WWP2: variants seen among roughly 807,000 people sequenced by gnomAD.
The protein encoded by WWP2 is WW domain containing E3 ubiquitin protein ligase 2, also known as NEDD4-like E3 ubiquitin-protein ligase WWP2.
WWP2 carries 57 observed loss-of-function variants against 121.0 expected under a neutral mutation model. That is an observed-to-expected ratio of 0.47 (90% CI 0.38 to 0.59). WWP2 has a LOEUF of 0.59. Ranked by LOEUF, WWP2 falls within the 20% of genes least tolerant of loss-of-function variation. The pLI is 0.00. For synonymous variants in WWP2, 449 were observed against 441.3 expected (o/e 1.02, Z -0.22); for missense variants, 962 against 1,158.9 (o/e 0.83, Z 2.47).
intron 4 of WWP2, among the ~76,000 whole-genome samples, chr16:69,802,443 C>T (rs868289424): frequency 5.9e-5 from 9 of 152,234 alleles, no homozygotes; most frequent in Admixed American, 3.3e-4. Flanking sequence ...TGGCAGCTAC[C>T]GCTCTACTTT....
intron 1 of WWP2, among the ~76,000 whole-genome samples, chr16:69,768,542 G>A (rs932174081): frequency 7.2e-5 from 11 of 152,114 alleles, no homozygotes; most frequent in South Asian, 4.1e-4. Context: ...CCCAGGAGGC[G>A]GAGGTTGCAG....
chr16:69,871,772 A>AT, intron 6 of WWP2, 32 bp from the exon 7 acceptor site: 1 of 1,613,204 alleles, frequency 6.2e-7, no homozygotes, highest in Non-Finnish European at 8.5e-7. Flanking sequence ...ACAGTGACTT[A>AT]TGTCTGTCTG....
intron 7 of WWP2, among the ~76,000 whole-genome samples, chr16:69,885,129 ACACACACACACATTC>A (rs1363116487): frequency 6.6e-6 from 1 of 150,656 alleles, no homozygotes; most frequent in African/African-American, 2.4e-5. Context: ...ACACACACAC[ACACACACACACATTC>A]TTCTTCTTTA....
rs773617409 is a variant in WWP2 at position 69,929,480 on chromosome 16, G to C, written c.1267G>C (p.Val423Leu). 10 of 1,614,136 alleles carry C rather than the reference G, an allele frequency of 6.2e-6. No homozygotes were observed. The highest frequency in any genetic ancestry group is 8.5e-6 in the Non-Finnish European group (10 of 1,180,016). The part of the protein sequence containing the change: ...KRQDNGRVYY[V>L]NHNTRTTQWE... ...ACAGGACAATGGACGGGTGTATTAC[G>C]TGAACCATAACACTCGCACGACCCA... Residue 423 changes from valine (V) to leucine (L), a missense_variant, in exon 12 of 24, where the codon GTG becomes CTG. Val to Leu is a conservative substitution (Grantham distance 32, BLOSUM62 1). This residue lies in a region of WWP2 where 606 missense variants were observed against 772.6 expected (regional missense o/e 0.78). Coordinates refer to ENST00000359154, the MANE Select transcript of WWP2 (RefSeq NM_001270454.2).
intron 9 of WWP2, chr16:69,909,501 T>C: frequency 1.0e-6 from 1 of 985,480 alleles, no homozygotes; most frequent in Non-Finnish European, 1.2e-6. Context: ...GCCACACACA[T>C]CCCACCTCAT....
At chr16:69,773,379 A>C (rs11643926) in intron 1 of WWP2, among the ~76,000 whole-genome samples, 1 of 152,022 alleles carries the variant, frequency 6.6e-6, no homozygotes, top group Non-Finnish European at 1.5e-5. Flanking sequence ...GGGTTTCACT[A>C]TGTTGGCCGG....
At position 69,773,177 on chromosome 16, in the gene WWP2, C is replaced by G. The variant is rs916145499; in HGVS notation, c.-16+10786C>G. On this transcript the variant is annotated intron_variant, in intron 1 of 23. Transcript: ENST00000359154. ...ATTGTATTCTGTTCCTACCGATACA[C>G]GTTGCTCCTTTTTTTTTTTTGAGAT... Among the ~76,000 whole-genome samples the G allele has an allele frequency of 7.3e-5, 11 of 151,694 alleles. No homozygotes were observed. In the South Asian group the frequency reaches 2.1e-3, roughly 29 times the overall value.
chr16:69,800,352 G>A (rs1332481661), intron 4 of WWP2, among the ~76,000 whole-genome samples: 1 of 152,052 alleles, frequency 6.6e-6, no homozygotes, highest in Non-Finnish European at 1.5e-5. Flanking sequence ...TGATCATCAG[G>A]GAGAATTCTA....
intron 4 of WWP2, chr16:69,838,874 C>T (rs2056924124): frequency 9.1e-6 from 9 of 985,102 alleles, no homozygotes; most frequent in Non-Finnish European, 1.1e-5. Context: ...CTTAGGAGAG[C>T]TTGAAAACCC....
Position 69,798,671 on chromosome 16 carries a change from T to C in WWP2, c.71-11T>C, listed in dbSNP as rs369440388. 7 of 1,611,298 alleles carry C rather than the reference T, an allele frequency of 4.3e-6. No individual in the cohort carries two copies. The Admixed American group carries it at 8.4e-5, about 19-fold the overall frequency. On this transcript the variant is annotated splice_polypyrimidine_tract_variant and intron_variant, in intron 2 of 23. Transcript: ENST00000359154. ...GACTCATCTTTGACTTTTTCTTTCT[T>C]TCTCTCCCAGTGGTGTCCGCAAAGC...
intron 8 of WWP2, among the ~76,000 whole-genome samples, chr16:69,903,553 G>C (rs531099197): frequency 1.9e-4 from 29 of 152,100 alleles, no homozygotes; most frequent in Non-Finnish European, 4.0e-4. Flanking sequence ...TGGATCACAA[G>C]GTCAGAAGAT....
chr16:69,827,390 A>C (rs2056720835), intron 4 of WWP2, among the ~76,000 whole-genome samples: 2 of 151,878 alleles, frequency 1.3e-5, no homozygotes, highest in South Asian at 4.1e-4. Context: ...ACTCCATCTC[A>C]AAAAAAATAA....
intron 1 of WWP2, among the ~76,000 whole-genome samples, chr16:69,778,192 A>ATATATTT (rs1555544415): frequency 1.6e-5 from 2 of 125,658 alleles, no homozygotes; most frequent in African/African-American, 3.2e-5. Context: ...ATATATATAT[A>ATATATTT]TTTTTTTTTT....
intron 4 of WWP2, among the ~76,000 whole-genome samples, chr16:69,835,258 A>G (rs1249284978): frequency 6.6e-6 from 1 of 152,190 alleles, no homozygotes; most frequent in African/African-American, 2.4e-5. Context: ...TAAGACTGCT[A>G]TTTATAACTA....
chr16:69,916,447 C>T (rs2058480667), intron 9 of WWP2, among the ~76,000 whole-genome samples: 3 of 152,006 alleles, frequency 2.0e-5, no homozygotes, highest in African/African-American at 7.2e-5. Context: ...AGGAGTGTGA[C>T]CGAAGGGCTC....
At chr16:69,900,566 A>G (rs894631955) in intron 8 of WWP2, among the ~76,000 whole-genome samples, 12 of 151,660 alleles carry the variant, frequency 7.9e-5, no homozygotes, top group African/African-American at 2.9e-4. Flanking sequence ...TCTGTCACCC[A>G]GGCTGGAGTG....
chr16:69,803,053 G>A (rs1473856926), intron 4 of WWP2, among the ~76,000 whole-genome samples: 3 of 150,674 alleles, frequency 2.0e-5, no homozygotes, highest in Non-Finnish European at 3.0e-5. Flanking sequence ...TTTCTGGTTT[G>A]TATTGTACCT....
At chr16:69,807,259 T>C (rs1210817370) in intron 4 of WWP2, among the ~76,000 whole-genome samples, 1 of 152,136 alleles carries the variant, frequency 6.6e-6, no homozygotes, top group Admixed American at 6.6e-5. Flanking sequence ...AATCTTGAAC[T>C]CCTGACCTCA....
chr16:69,861,240 C>G lies in WWP2; in HGVS notation c.576-10564C>G, dbSNP rs76987384. Among the ~76,000 whole-genome samples, 213 of 152,332 alleles carry G rather than the reference C, an allele frequency of 1.4e-3. 5 individuals are homozygous for G. The East Asian group carries it at 0.03, about 22-fold the overall frequency. ...GCCACGTTGAGCAGGTGAACACTTC[C>G]CCTCTGAACTCTCTAGCTCTCTTTG... On this transcript the variant is annotated intron_variant, in intron 6 of 23. Transcript: ENST00000359154.
Sources: gnomAD v4.1 joint callset for allele counts (sites outside exome capture counted in the v4.1 genomes callset) on GRCh38, gnomAD v4.1.1 for gene constraint, gnomAD v4.1.1 regional missense constraint, MANE v1.5 for transcripts, NCBI Gene and HGNC (gene_info 2026-07-23, HGNC 2026-07-21) for gene names.